GCNT2: variants seen among roughly 807,000 people sequenced by gnomAD.
GCNT2 encodes N-acetyllactosaminide beta-1,6-N-acetylglucosaminyl-transferase.
A neutral mutation model predicts 34.2 loss-of-function variants in GCNT2; 34 were observed. The ratio of observed to expected loss-of-function variants is 1.00; its 90% confidence interval spans 0.76 to 1.32. The LOEUF is 1.32. Among genes scored for constraint, GCNT2 ranks in the 40% most tolerant of loss-of-function variants. The pLI, the probability that GCNT2 is intolerant of heterozygous loss-of-function variation, is 0.00. For synonymous variants in GCNT2, 212 were observed against 188.0 expected (o/e 1.13, Z -1.04); for missense variants, 584 against 489.4 (o/e 1.19, Z -1.82).
intron 3 of GCNT2, among the ~76,000 whole-genome samples, chr6:10,610,084 TTGA>T (rs2062039555): frequency 6.6e-6 from 1 of 152,222 alleles, no homozygotes; most frequent in South Asian, 2.1e-4. Flanking sequence ...TACAGTCTTC[TTGA>T]TGAGAGATGT....
chr6:10,566,623 T>A (rs6921510), intron 3 of GCNT2, among the ~76,000 whole-genome samples: 80,458 of 152,112 alleles, frequency 0.53, 21,684 homozygotes, highest in South Asian at 0.65. Context: ...GTGTTGTATA[T>A]TCCTAGTGAC....
chr6:10,589,197 A>G (rs1202525064), intron 3 of GCNT2, among the ~76,000 whole-genome samples: 9 of 89,012 alleles, frequency 1.0e-4, no homozygotes, highest in East Asian at 3.7e-4. Context: ...TCATGTGTGT[A>G]TGGTGTGTGT....
chr6:10,542,341 G>T (rs944027306), intron 3 of GCNT2, among the ~76,000 whole-genome samples: 2 of 152,002 alleles, frequency 1.3e-5, no homozygotes, highest in African/African-American at 4.8e-5. Context: ...AAAGGTAACA[G>T]GTTTATTGAG....
intron 3 of GCNT2, among the ~76,000 whole-genome samples, chr6:10,584,575 G>A (rs191445282): frequency 1.4e-3 from 209 of 152,286 alleles, no homozygotes; most frequent in African/African-American, 4.7e-3. Context: ...TTGTCTCAGT[G>A]GGGGGAAACC....
chr6:10,616,300 A>G (rs2127439988), intron 3 of GCNT2, among the ~76,000 whole-genome samples: 1 of 150,082 alleles, frequency 6.7e-6, no homozygotes, highest in Admixed American at 6.6e-5. Flanking sequence ...CCACTCATAT[A>G]GGCTGTATGG....
intron 3 of GCNT2, among the ~76,000 whole-genome samples, chr6:10,577,027 A>G (rs896310128): frequency 1.3e-5 from 2 of 152,216 alleles, no homozygotes; most frequent in African/African-American, 2.4e-5. Context: ...GCAGTGAGCT[A>G]TGCTCTCACC....
At chr6:10,562,111 C>T (rs927392327) in intron 3 of GCNT2, among the ~76,000 whole-genome samples, 2 of 152,156 alleles carry the variant, frequency 1.3e-5, no homozygotes, top group African/African-American at 4.8e-5. Flanking sequence ...ATCAGCGAGT[C>T]AAACCGTGTG....
intron 3 of GCNT2, among the ~76,000 whole-genome samples, chr6:10,598,661 G>A (rs760346074): frequency 6.6e-5 from 10 of 152,190 alleles, no homozygotes; most frequent in Admixed American, 4.6e-4. Context: ...TGTTCTTAAT[G>A]TAGCACATTT....
rs1763726294 is a variant in GCNT2, at chr6:10,574,835, G to C, written c.925+44999G>C. On this transcript the variant is annotated intron_variant, in intron 3 of 4. Transcript: ENST00000495262. Reference sequence around the variant, plus strand: ...AAGTGTGCTACTCTGGGTGGAGCAGGCTGGCGCTTCAGTTGAACCCAGGCA... The same window carrying C: ...AAGTGTGCTACTCTGGGTGGAGCAGCCTGGCGCTTCAGTTGAACCCAGGCA... 1.8e-5 allele frequency: 12 copies of C among 663,524 alleles called. 2 individuals are homozygous for C. Among genetic ancestry groups the C allele is most frequent in the Admixed American group, 7.4e-5 (4 of 53,854 alleles). The allele number at this position is 663,524 out of a possible 1,614,324, so 41.1% of individuals were successfully genotyped here.
At chr6:10,568,703 C>T (rs1351810447) in intron 3 of GCNT2, among the ~76,000 whole-genome samples, 1 of 152,166 alleles carries the variant, frequency 6.6e-6, no homozygotes, top group Non-Finnish European at 1.5e-5. Context: ...CTCAGTATTA[C>T]CTGTGTTACC....
chr6:10,603,419 C>A (rs1333978030), intron 3 of GCNT2, among the ~76,000 whole-genome samples: 1 of 152,142 alleles, frequency 6.6e-6, no homozygotes, highest in Non-Finnish European at 1.5e-5. Context: ...TCACAGTTGC[C>A]CTAGAAACAA....
chr6:10,564,646 A>G (rs1253783291), intron 3 of GCNT2, among the ~76,000 whole-genome samples: 1 of 152,214 alleles, frequency 6.6e-6, no homozygotes, highest in Non-Finnish European at 1.5e-5. Context: ...GTCACTTAGA[A>G]GTTGTGTGAC....
intron 3 of GCNT2, among the ~76,000 whole-genome samples, chr6:10,540,892 C>T (rs1561786749): frequency 1.3e-5 from 2 of 152,140 alleles, no homozygotes; most frequent in Non-Finnish European, 2.9e-5. Context: ...GTGCTAAATC[C>T]ATTAGAAAAC....
intron 3 of GCNT2, among the ~76,000 whole-genome samples, chr6:10,534,578 G>A (rs6911448): frequency 2.0e-5 from 3 of 151,904 alleles, no homozygotes; most frequent in Non-Finnish European, 4.4e-5. Context: ...TGCGGCTGAC[G>A]TCTTTGCAGG....
At chr6:10,523,491 C>A (rs564016574) in intron 1 of GCNT2, among the ~76,000 whole-genome samples, 1 of 151,728 alleles carries the variant, frequency 6.6e-6, no homozygotes, top group East Asian at 1.9e-4. Flanking sequence ...TTTTTCCCAG[C>A]TATTTTTTGT....
intron 3 of GCNT2, among the ~76,000 whole-genome samples, chr6:10,535,725 A>G (rs1217339318): frequency 2.0e-5 from 3 of 152,198 alleles, no homozygotes; most frequent in Admixed American, 1.3e-4. Context: ...TAAAATAGGA[A>G]TGAATGCAAA....
intron 3 of GCNT2, chr6:10,573,381 G>T (rs1371752871): frequency 1.3e-6 from 1 of 765,470 alleles, no homozygotes; most frequent in African/African-American, 1.9e-5. Context: ...TGGGCATTTA[G>T]TGTTAACAGC....
chr6:10,543,735 ATCT>A (rs556355076), intron 3 of GCNT2, among the ~76,000 whole-genome samples: 121 of 152,320 alleles, frequency 7.9e-4, no homozygotes, highest in Non-Finnish European at 1.2e-3. Flanking sequence ...CCTTTGATAT[ATCT>A]TCTTAGAAGA....
chr6:10,542,617 T>C (rs937487656), intron 3 of GCNT2, among the ~76,000 whole-genome samples: 1 of 152,238 alleles, frequency 6.6e-6, no homozygotes, highest in Admixed American at 6.5e-5. Context: ...TGTTCTTTCA[T>C]GCGTAGCTCC....
Sources: allele counts gnomAD v4.1 joint callset (sites outside exome capture counted in the v4.1 genomes callset), GRCh38; gene constraint gnomAD v4.1.1; transcripts MANE v1.5; gene names NCBI Gene and HGNC (gene_info 2026-07-23, HGNC 2026-07-21).